The following ZMIZ1 variants were observed in gnomAD, a reference collection of about 807,000 sequenced individuals.
ZMIZ1 encodes the protein zinc finger MIZ-type containing 1.
Under a neutral mutation model 113.9 loss-of-function variants are expected in ZMIZ1, and 17 were observed. The observed-to-expected ratio is 0.15, with a 90% confidence interval of 0.10 to 0.22. The LOEUF (loss-of-function observed/expected upper bound fraction) is 0.22. Ranked by LOEUF, ZMIZ1 falls within the 10% of genes least tolerant of loss-of-function variation. The probability of loss-of-function intolerance (pLI) is 1.00; values close to 1 mark genes in which losing one functional copy is unlikely to be tolerated. For missense variants in ZMIZ1, 1,059 were observed against 1,477.8 expected, an observed-to-expected ratio of 0.72 and a Z score of 4.65; for synonymous variants, 607 against 603.1, an observed-to-expected ratio of 1.01 and a Z score of -0.09.
intron 7 of ZMIZ1, among the ~76,000 whole-genome samples, chr10:79,222,514 C>G (rs1348764161): frequency 6.6e-6 from 1 of 152,176 alleles, no homozygotes; most frequent in South Asian, 2.1e-4. Flanking sequence ...TACTTTTTGT[C>G]CACAAACATC....
Position 79,216,189 on chromosome 10 carries a change from C to A in ZMIZ1, c.195C>A (p.Ala65=), listed in dbSNP as rs1848721841. The A allele has an allele frequency of 2.0e-6, 3 of 1,523,652 alleles. No homozygotes were observed. The highest frequency in any genetic ancestry group is 2.7e-6 in the Non-Finnish European group (3 of 1,130,556). 94.4% of individuals were successfully genotyped at this position (1,523,652 alleles called of 1,614,324 possible). ...GCLTVVSRVA[A]QQGFDLDLGY... ...TTCAGGTGGTCAGTCGGGTGGCAGC[C>A]CAGCAAGGCTTTGACCTGGACCTCG... The change falls in exon 7 of 25, where the codon GCC becomes GCA. Residue 65 remains alanine, a synonymous_variant. Coordinates refer to ENST00000334512, the MANE Select transcript of ZMIZ1 (RefSeq NM_020338.4).
At chr10:79,115,755 C>T (rs1039193545) in intron 1 of ZMIZ1, among the ~76,000 whole-genome samples, 2 of 152,212 alleles carry the variant, frequency 1.3e-5, no homozygotes, top group African/African-American at 4.8e-5. Flanking sequence ...GTGGCCAGGC[C>T]AAGGCCCTGG....
chr10:79,119,875 A>G (rs1341458958), intron 2 of ZMIZ1, among the ~76,000 whole-genome samples: 1 of 151,490 alleles, frequency 6.6e-6, no homozygotes, highest in African/African-American at 2.4e-5. Context: ...CCGCCCCTCA[A>G]GTTCGTTTTC....
chr10:79,076,599 G>A (rs1842483117), intron 1 of ZMIZ1, among the ~76,000 whole-genome samples: 1 of 152,190 alleles, frequency 6.6e-6, no homozygotes, highest in South Asian at 2.1e-4. Context: ...ACTCTGGGAG[G>A]CCTAGGCAGG....
At chr10:79,204,934 G>A (rs1170796653) in intron 5 of ZMIZ1, among the ~76,000 whole-genome samples, 1 of 152,106 alleles carries the variant, frequency 6.6e-6, no homozygotes, top group African/African-American at 2.4e-5. Context: ...GAATGGGTGG[G>A]CTGGCAAGGA....
intron 3 of ZMIZ1, among the ~76,000 whole-genome samples, chr10:79,158,354 T>C (rs1276586659): frequency 6.6e-6 from 1 of 152,128 alleles, no homozygotes; most frequent in Non-Finnish European, 1.5e-5. Context: ...CCTGGAGCCT[T>C]CTCTGGTGAG....
intron 2 of ZMIZ1, among the ~76,000 whole-genome samples, chr10:79,125,129 G>A (rs754288300): frequency 7.9e-5 from 12 of 152,210 alleles, no homozygotes; most frequent in African/African-American, 2.4e-4. Context: ...TGGACCAGGC[G>A]CTGGGGCTTT....
intron 23 of ZMIZ1, among the ~76,000 whole-genome samples, chr10:79,308,637 A>G (rs946383205): frequency 3.9e-5 from 6 of 152,178 alleles, no homozygotes; most frequent in Non-Finnish European, 7.4e-5. Context: ...GGACCCCAGG[A>G]GTCCAAGTCG....
chr10:79,258,066 T>C (rs1322217434), intron 7 of ZMIZ1, among the ~76,000 whole-genome samples: 1 of 152,148 alleles, frequency 6.6e-6, no homozygotes, highest in Non-Finnish European at 1.5e-5. Flanking sequence ...CATGTGCTAA[T>C]TGGAGCTTAA....
At chr10:79,144,079 G>A (rs529532769) in intron 3 of ZMIZ1, among the ~76,000 whole-genome samples, 10 of 152,248 alleles carry the variant, frequency 6.6e-5, no homozygotes, top group Middle Eastern at 3.4e-3. Flanking sequence ...AGGAGGCTTC[G>A]GGTAATCTCA....
intron 3 of ZMIZ1, among the ~76,000 whole-genome samples, chr10:79,144,878 G>T (rs2132428386): frequency 6.6e-6 from 1 of 152,060 alleles, no homozygotes; most frequent in South Asian, 2.1e-4. Context: ...CTGCCTCTCA[G>T]TTTTCCAAGG....
rs1564632519 is a variant in ZMIZ1 at position 79,069,728 on chromosome 10, G to GA, written c.-337+461dup. 6.6e-6 allele frequency among the ~76,000 whole-genome samples: 1 copy of GA among 152,202 alleles called. No homozygotes were observed. The highest frequency in any genetic ancestry group is 1.5e-5 in the Non-Finnish European group (1 of 68,026). Reference sequence around the variant, plus strand: ...CTGTGTGTGTACAGGAACCGCTGGGGAAAGCGCTGGATTTCAGGATGGCAA... The same window carrying GA: ...CTGTGTGTGTACAGGAACCGCTGGGGAAAAGCGCTGGATTTCAGGATGGCAA... On this transcript the variant is annotated intron_variant, in intron 1 of 24. Transcript: ENST00000334512. The surrounding 1 kb of genome is among the most constrained non-coding windows in gnomAD (Gnocchi z 4.6).
intron 3 of ZMIZ1, among the ~76,000 whole-genome samples, chr10:79,157,265 G>A (rs1006348722): frequency 8.5e-5 from 13 of 152,208 alleles, no homozygotes; most frequent in Non-Finnish European, 1.6e-4. Context: ...GAGTGATGGA[G>A]TGGGGCAGTG....
intron 1 of ZMIZ1, among the ~76,000 whole-genome samples, chr10:79,104,525 TACCC>T (rs1231627596): frequency 6.6e-6 from 1 of 152,190 alleles, no homozygotes. Context: ...CAGGGGTGAA[TACCC>T]ACCAAGGTAC....
intron 7 of ZMIZ1, among the ~76,000 whole-genome samples, chr10:79,239,204 G>A (rs767580234): frequency 3.9e-5 from 6 of 152,222 alleles, no homozygotes; most frequent in Non-Finnish European, 8.8e-5. Flanking sequence ...CAGAGCCCCT[G>A]AGTTGTCTCA....
intron 3 of ZMIZ1, among the ~76,000 whole-genome samples, chr10:79,146,608 G>GGGATTCTCCCTGAGTTTGT (rs1845493085): frequency 6.6e-6 from 1 of 152,240 alleles, no homozygotes; most frequent in Non-Finnish European, 1.5e-5. Context: ...CCTGAGTTTG[G>GGGATTCTCCCTGAGTTTGT]GGATTGTCCC....
At chr10:79,091,623 T>C (rs1413016410) in intron 1 of ZMIZ1, among the ~76,000 whole-genome samples, 2 of 151,826 alleles carry the variant, frequency 1.3e-5, no homozygotes, top group Non-Finnish European at 2.9e-5. Context: ...GCACTGAGGA[T>C]GGAGAGGCTT....
chr10:79,186,864 T>A (rs114476870), intron 4 of ZMIZ1, among the ~76,000 whole-genome samples: 3,024 of 152,298 alleles, frequency 0.02, 93 homozygotes, highest in African/African-American at 0.069. Context: ...TGGTTTTATT[T>A]CCAAAATAAG....
At chr10:79,272,742 G>A (rs1453302287) in intron 7 of ZMIZ1, among the ~76,000 whole-genome samples, 1 of 152,248 alleles carries the variant, frequency 6.6e-6, no homozygotes, top group Non-Finnish European at 1.5e-5. Context: ...AGTTTGGAGA[G>A]GTGAGGGGAG....
Sources: gnomAD v4.1 joint callset for allele counts (sites outside exome capture counted in the v4.1 genomes callset) on GRCh38, gnomAD v4.1.1 for gene constraint, Gnocchi (gnomAD v3.1) non-coding constraint, MANE v1.5 for transcripts, NCBI Gene and HGNC (gene_info 2026-07-23, HGNC 2026-07-21) for gene names.